The following MIR2052HG variants were observed in gnomAD, a reference collection of about 807,000 sequenced individuals.
MIR2052HG encodes MIR2052 host gene.
intron 4 of MIR2052HG, among the ~76,000 whole-genome samples, chr8:74,727,236 TG>T (rs1809646238): frequency 1.3e-5 from 2 of 152,242 alleles, no homozygotes; most frequent in Non-Finnish European, 2.9e-5. Flanking sequence ...TTGTACTGTT[TG>T]CAAAATTTAA....
intron 4 of MIR2052HG, among the ~76,000 whole-genome samples, chr8:74,718,042 A>G (rs2128742241): frequency 6.6e-6 from 1 of 152,296 alleles, no homozygotes; most frequent in African/African-American, 2.4e-5. Flanking sequence ...TGTTAAGTGT[A>G]GCAATATATG....
intron 1 of MIR2052HG, among the ~76,000 whole-genome samples, chr8:74,608,231 GC>G (rs1293648054): frequency 4.2e-4 from 63 of 150,862 alleles, no homozygotes; most frequent in African/African-American, 1.4e-3. Flanking sequence ...AGATGAACTT[GC>G]CCTATAGGGA....
chr8:74,716,016 C>T (rs968490545), intron 4 of MIR2052HG, among the ~76,000 whole-genome samples: 3 of 152,152 alleles, frequency 2.0e-5, no homozygotes, highest in African/African-American at 7.2e-5. Context: ...TGCAAATGGT[C>T]GTTTGCAAAG....
chr8:74,673,014 A>T (rs1349102688), intron 2 of MIR2052HG, among the ~76,000 whole-genome samples: 1 of 152,100 alleles, frequency 6.6e-6, no homozygotes, highest in Non-Finnish European at 1.5e-5. Flanking sequence ...CAGCTGCAAG[A>T]TGAATGAGAC....
intron 2 of MIR2052HG, among the ~76,000 whole-genome samples, chr8:74,699,147 TAC>T (rs1809331717): frequency 6.6e-6 from 1 of 152,116 alleles, no homozygotes; most frequent in African/African-American, 2.4e-5. Context: ...GGAATACTTT[TAC>T]ACTGTTGGTG....
exon 5 of MIR2052HG, chr8:74,752,457 GC>G (rs1554579438): frequency 2.3e-6 from 1 of 437,470 alleles, no homozygotes. Flanking sequence ...GTTCAGTCCA[GC>G]CACCAGATCA....
chr8:74,664,945 T>A (rs777776869), intron 2 of MIR2052HG, among the ~76,000 whole-genome samples: 1 of 152,256 alleles, frequency 6.6e-6, no homozygotes, highest in African/African-American at 2.4e-5. Flanking sequence ...AGCATCATAG[T>A]GAACCTTCTA....
chr8:74,614,097 T>C (rs1487860877), intron 2 of MIR2052HG, among the ~76,000 whole-genome samples: 1 of 152,202 alleles, frequency 6.6e-6, no homozygotes, highest in African/African-American at 2.4e-5. Context: ...TGTTGTGATT[T>C]TACTCAGTTG....
chr8:74,695,427 A>T (rs1321430768), intron 2 of MIR2052HG, among the ~76,000 whole-genome samples: 1 of 152,144 alleles, frequency 6.6e-6, no homozygotes, highest in Non-Finnish European at 1.5e-5. Context: ...TGGGCAAAAA[A>T]TAGCACAATG....
At chr8:74,706,464 A>C (rs1396279761) in intron 4 of MIR2052HG, among the ~76,000 whole-genome samples, 1 of 152,048 alleles carries the variant, frequency 6.6e-6, no homozygotes, top group African/African-American at 2.4e-5. Context: ...TTCACTTCCA[A>C]AAACCTTCTC....
intron 2 of MIR2052HG, among the ~76,000 whole-genome samples, chr8:74,623,526 T>A (rs1447735022): frequency 6.6e-6 from 1 of 152,246 alleles, no homozygotes; most frequent in Non-Finnish European, 1.5e-5. Context: ...TGTGTTTTTT[T>A]AATTTTAAAT....
chr8:74,738,342 G>T (rs1200407144), intron 4 of MIR2052HG, among the ~76,000 whole-genome samples: 1 of 152,048 alleles, frequency 6.6e-6, no homozygotes, highest in Non-Finnish European at 1.5e-5. Flanking sequence ...GGCTCACAAG[G>T]CTTCCAATGC....
rs1293721024 is a variant in MIR2052HG, at chr8:74,603,973, G to A, written n.128+4065G>A. 3 of 954,672 alleles carry A rather than the reference G, an allele frequency of 3.1e-6. No individual in the cohort carries two copies. The African/African-American group carries it at 4.8e-5, about 15-fold the overall frequency. The allele number at this position is 954,672 out of a possible 1,614,324, so 59.1% of individuals were successfully genotyped here. A position where few individuals can be genotyped will look rare whatever the true frequency, so the allele number is the denominator to read the frequency against. ...GGTGACTGGGGGTCTAGTGGCAGCT[G>A]TGCTACTGGTCATAGAGCTGCTTAT... On this transcript the variant is annotated intron_variant and non_coding_transcript_variant, in intron 1 of 6. Coordinates refer to ENST00000523442, the Ensembl canonical transcript of MIR2052HG.
chr8:74,730,195 C>G (rs1339419163), intron 4 of MIR2052HG, among the ~76,000 whole-genome samples: 2 of 152,118 alleles, frequency 1.3e-5, no homozygotes, highest in African/African-American at 2.4e-5. Context: ...TAAAGCAAGG[C>G]TACAATTTAT....
At chr8:74,626,094 A>G (rs528780942) in intron 2 of MIR2052HG, among the ~76,000 whole-genome samples, 2 of 152,254 alleles carry the variant, frequency 1.3e-5, no homozygotes, top group Non-Finnish European at 2.9e-5. Context: ...CCTCTCTACA[A>G]TGCAGCACTG....
chr8:74,602,781 C>G (rs1808020755), intron 1 of MIR2052HG, among the ~76,000 whole-genome samples: 1 of 143,254 alleles, frequency 7.0e-6, no homozygotes, highest in Non-Finnish European at 1.5e-5. Context: ...TCCCAAAGTG[C>G]TGGGATTATG....
At chr8:74,626,516 A>G (rs1411495412) in intron 2 of MIR2052HG, among the ~76,000 whole-genome samples, 1 of 152,120 alleles carries the variant, frequency 6.6e-6, no homozygotes, top group East Asian at 1.9e-4. Flanking sequence ...GAATATAGAG[A>G]ATATTCTCAG....
intron 1 of MIR2052HG, among the ~76,000 whole-genome samples, chr8:74,611,996 C>G (rs1157218313): frequency 6.6e-6 from 1 of 152,208 alleles, no homozygotes; most frequent in Non-Finnish European, 1.5e-5. Context: ...GCAAGCTCAT[C>G]CCCCGAAGCT....
intron 1 of MIR2052HG, among the ~76,000 whole-genome samples, chr8:74,610,922 TAAGTA>T (rs1213670318): frequency 3.3e-5 from 5 of 152,036 alleles, no homozygotes; most frequent in Admixed American, 3.3e-4. Context: ...GAAATTGGAT[TAAGTA>T]AAGACTGCTT....
Sources: gnomAD v4.1 joint callset for allele counts (sites outside exome capture counted in the v4.1 genomes callset) on GRCh38, gnomAD v4.1.1 for gene constraint, MANE v1.5 for transcripts, NCBI Gene and HGNC (gene_info 2026-07-23, HGNC 2026-07-21) for gene names.